The following NACC2 variants were observed in gnomAD, a reference collection of about 807,000 sequenced individuals.
The protein encoded by NACC2 is NACC family member 2, also known as nucleus accumbens-associated protein 2.
NACC2 carries 8 observed loss-of-function variants against 25.1 expected under a neutral mutation model. The ratio of observed to expected loss-of-function variants is 0.32; its 90% CI spans 0.19 to 0.57. The LOEUF is 0.57. Ranked by LOEUF, NACC2 falls within the 20% of genes least tolerant of loss-of-function variation. The probability of loss-of-function intolerance (pLI) is 0.89; values close to 1 mark genes in which losing one functional copy is unlikely to be tolerated. For missense variants in NACC2, 644 were observed against 650.2 expected, an observed-to-expected ratio of 0.99 and a Z score of 0.10; for synonymous variants, 435 against 294.7, an observed-to-expected ratio of 1.48 and a Z score of -4.88.
At chr9:136,051,725 G>A (rs1490642404) in intron 1 of NACC2, among the ~76,000 whole-genome samples, 2 of 152,160 alleles carry the variant, frequency 1.3e-5, no homozygotes, top group East Asian at 3.9e-4. Context: ...CGGTCGGGAA[G>A]ACCTACCTTC....
intron 2 of NACC2, 45 bp downstream of exon 2, chr9:136,049,591 C>A: frequency 1.3e-6 from 1 of 744,054 alleles, no homozygotes; most frequent in Non-Finnish European, 2.5e-6. Context: ...CAGGCAGGCC[C>A]CGCTTCCCAG....
intron 2 of NACC2, among the ~76,000 whole-genome samples, chr9:136,047,037 C>G (rs1840740989): frequency 6.6e-6 from 1 of 152,136 alleles, no homozygotes; most frequent in Non-Finnish European, 1.5e-5. Flanking sequence ...GCCTCTCACT[C>G]AACAGGTAGG....
At chr9:136,031,485 G>C (rs1052083786) in intron 2 of NACC2, among the ~76,000 whole-genome samples, 7 of 152,244 alleles carry the variant, frequency 4.6e-5, no homozygotes, top group Middle Eastern at 3.4e-3. Context: ...TTACAGGTGT[G>C]CGCCACCACA....
chr9:136,012,049 TCAGC>T (rs756880419), intron 5 of NACC2, 25 bp from the exon 6 acceptor site: 13 of 1,495,976 alleles, frequency 8.7e-6, no homozygotes, highest in Non-Finnish European at 1.1e-5. Context: ...CGGCGTGAGC[TCAGC>T]CACCTGCCTG....
In NACC2 at chr9:136,007,290, T is replaced by C. The variant is rs921689803; in HGVS notation, c.*4226A>G. On this transcript the variant is annotated 3_prime_UTR_variant, in exon 6 of 6. Transcript: ENST00000277554. ...AAACAAACACGAAAAACCTTTGCCA[T>C]TTTAGAACCATCTTGTACCAAACCC... 6.5e-6 allele frequency: 1 copy of C among 154,418 alleles called. No homozygotes were observed. Among genetic ancestry groups the C allele is most frequent in the African/African-American group, 2.4e-5 (1 of 41,552 alleles). The allele number at this position is 154,418 out of a possible 1,614,324, so 9.6% of individuals were successfully genotyped here.
chr9:136,048,975 G>A (rs1254125555), intron 2 of NACC2, among the ~76,000 whole-genome samples: 1 of 152,252 alleles, frequency 6.6e-6, no homozygotes, highest in African/African-American at 2.4e-5. Flanking sequence ...CAGACACACA[G>A]TCAGGTTGCA....
chr9:136,063,205 G>A (rs948874986), intron 1 of NACC2, among the ~76,000 whole-genome samples: 3 of 152,198 alleles, frequency 2.0e-5, no homozygotes, highest in African/African-American at 7.2e-5. Flanking sequence ...CCAGGGATGA[G>A]CAGCTCCCGG....
intron 1 of NACC2, among the ~76,000 whole-genome samples, chr9:136,051,991 C>T (rs1300967793): frequency 1.3e-5 from 2 of 152,090 alleles, no homozygotes; most frequent in African/African-American, 4.8e-5. Context: ...GCACCCAGGC[C>T]GGCCCTCCCG....
At chr9:136,079,247 G>C (rs1014927562) in intron 1 of NACC2, among the ~76,000 whole-genome samples, 1 of 152,206 alleles carries the variant, frequency 6.6e-6, no homozygotes, top group Admixed American at 6.5e-5. Context: ...GAGCTGAGGG[G>C]GAGACCAGGG....
chr9:136,053,745 C>T (rs939088071), intron 1 of NACC2, among the ~76,000 whole-genome samples: 11 of 152,336 alleles, frequency 7.2e-5, no homozygotes, highest in Non-Finnish European at 8.8e-5. Context: ...TGGGCAACTT[C>T]GCCCCAAGGA....
intron 1 of NACC2, among the ~76,000 whole-genome samples, chr9:136,068,237 C>A (rs973830673): frequency 6.6e-6 from 1 of 152,108 alleles, no homozygotes; most frequent in Non-Finnish European, 1.5e-5. Flanking sequence ...GTAGCTCATG[C>A]CTGTAACCCC....
chr9:136,058,834 G>T (rs987160137), intron 1 of NACC2, among the ~76,000 whole-genome samples: 1 of 152,254 alleles, frequency 6.6e-6, no homozygotes, highest in African/African-American at 2.4e-5. Flanking sequence ...GCATGGGATT[G>T]GACAAAAGTC....
At chr9:136,091,847 C>T (rs1269991714) in intron 1 of NACC2, among the ~76,000 whole-genome samples, 1 of 151,748 alleles carries the variant, frequency 6.6e-6, no homozygotes. Context: ...AAAAAACCAA[C>T]AACAACAACA....
chr9:136,052,975 TCA>T (rs1216702742), intron 1 of NACC2, among the ~76,000 whole-genome samples: 9 of 152,224 alleles, frequency 5.9e-5, no homozygotes, highest in Admixed American at 5.9e-4. Flanking sequence ...CTGCCCAGCC[TCA>T]GTTTCCCTGC....
At chr9:136,088,897 G>C (rs548704307) in intron 1 of NACC2, among the ~76,000 whole-genome samples, 1 of 152,222 alleles carries the variant, frequency 6.6e-6, no homozygotes, top group Non-Finnish European at 1.5e-5. Context: ...AAGGTTTCCC[G>C]GAGGAGACAG....
In NACC2 at chr9:136,084,815, G is replaced by A. The variant is rs546405665; in HGVS notation, c.-60+10374C>T. 2.6e-5 allele frequency among the ~76,000 whole-genome samples: 4 copies of A among 152,334 alleles called. No homozygotes were observed. The South Asian group carries it at 8.3e-4, about 32-fold the overall frequency. On this transcript the variant is annotated intron_variant, in intron 1 of 5. Coordinates refer to ENST00000277554, the MANE Select transcript of NACC2 (RefSeq NM_144653.5). The surrounding 1 kb of genome is among the most constrained non-coding windows in gnomAD (Gnocchi z 5.1). ...GGAGGAGCCGTGGGGAGAGGGTGCG[G>A]AGCAAATGAGCCAGTCACACGAGGA... is the stretch of plus-strand genomic sequence containing the variant.
Position 136,013,726 on chromosome 9 carries a change from C to G in NACC2, c.1157+138G>C. 2 of 738,640 alleles carry G rather than the reference C, an allele frequency of 2.7e-6. No individual in the cohort carries two copies. The highest frequency in any genetic ancestry group is 2.7e-5 in the Admixed American group (1 of 36,380). 45.8% of individuals were successfully genotyped at this position (738,640 alleles called of 1,614,324 possible). On this transcript the variant is annotated intron_variant, in intron 4 of 5. Coordinates refer to ENST00000277554, the MANE Select transcript of NACC2 (RefSeq NM_144653.5). This position sits in a 1 kb window ranked among gnomAD's most constrained non-coding sequence, Gnocchi z 6.6. ...GGGAGCCTCTCCACCGTCCTGGGGC[C>G]GACCGGCCACGGCTGAAGTCAGGAA...
Position 136,050,593 on chromosome 9 carries a change from G to A in NACC2, c.-59-13C>T, listed in dbSNP as rs1840814267. 4.2e-6 allele frequency: 3 copies of A among 708,914 alleles called. No individual in the cohort carries two copies. The highest frequency in any genetic ancestry group is 7.7e-6 in the Non-Finnish European group (3 of 390,320). The allele number at this position is 708,914 out of a possible 1,614,324, so 43.9% of individuals were successfully genotyped here. ...TAGCGGGGCTCATCTGTGGGGGGCAGGAGGCACGTGGTCAGTTCCTCCAGG... is the reference window on the plus strand; with the variant it reads ...TAGCGGGGCTCATCTGTGGGGGGCAAGAGGCACGTGGTCAGTTCCTCCAGG... On this transcript the variant is annotated splice_polypyrimidine_tract_variant and intron_variant, in intron 1 of 5. Transcript: ENST00000277554.
chr9:136,087,898 A>C (rs1265997321), intron 1 of NACC2, among the ~76,000 whole-genome samples: 1 of 152,088 alleles, frequency 6.6e-6, no homozygotes, highest in Non-Finnish European at 1.5e-5. Context: ...CTGCTGCCCA[A>C]GGCCGGCCGT....
Sources: gnomAD v4.1 joint callset for allele counts (sites outside exome capture counted in the v4.1 genomes callset) on GRCh38, gnomAD v4.1.1 for gene constraint, Gnocchi (gnomAD v3.1) non-coding constraint, MANE v1.5 for transcripts, NCBI Gene and HGNC (gene_info 2026-07-23, HGNC 2026-07-21) for gene names.